NTM: variants seen among roughly 807,000 people sequenced by gnomAD.
NTM encodes neurotrimin, also known as IgLON family member 2.
Under a neutral mutation model 42.1 loss-of-function variants are expected in NTM, and 13 were observed. The observed-to-expected ratio is 0.31, with a 90% confidence interval of 0.20 to 0.49. NTM has a LOEUF of 0.49. Among genes scored for constraint, NTM ranks in the 20% least tolerant of loss-of-function variants. The probability of loss-of-function intolerance (pLI) is 0.99; values close to 1 mark genes in which losing one functional copy is unlikely to be tolerated. For missense variants in NTM, 373 were observed against 452.8 expected, an observed-to-expected ratio of 0.82 and a Z score of 1.60; for synonymous variants, 187 against 179.2, an observed-to-expected ratio of 1.04 and a Z score of -0.35.
At chr11:132,010,707 G>T (rs664969) in intron 2 of NTM, among the ~76,000 whole-genome samples, 70,359 of 150,394 alleles carry the variant, frequency 0.47, 17,390 homozygotes, top group African/African-American at 0.63. Flanking sequence ...TCTTGTACTT[G>T]CTCCAGTCTG....
At chr11:132,273,919 AAAC>A (rs202105449) in intron 4 of NTM, among the ~76,000 whole-genome samples, 1,996 of 152,260 alleles carry the variant, frequency 0.013, 12 homozygotes, top group Middle Eastern at 0.034. Context: ...AAACAAAACA[AAAC>A]AACAACAACA....
chr11:132,074,953 G>A (rs573724615), intron 2 of NTM, among the ~76,000 whole-genome samples: 3 of 152,274 alleles, frequency 2.0e-5, no homozygotes, highest in Admixed American at 6.5e-5. Flanking sequence ...AAATCACTAT[G>A]TTCCCTATAA....
At chr11:131,467,098 A>C (rs1349393170) in intron 1 of NTM, among the ~76,000 whole-genome samples, 1 of 152,222 alleles carries the variant, frequency 6.6e-6, no homozygotes, top group Non-Finnish European at 1.5e-5. Flanking sequence ...ATGAATGACA[A>C]TGTTTTTAAA....
At chr11:132,181,982 A>ATTATTG (rs1265039455) in intron 3 of NTM, among the ~76,000 whole-genome samples, 2 of 147,818 alleles carry the variant, frequency 1.4e-5, no homozygotes, top group African/African-American at 2.5e-5. Flanking sequence ...TATTATTATT[A>ATTATTG]TTATTATTAT....
At chr11:131,700,700 T>A (rs1485674334) in intron 1 of NTM, among the ~76,000 whole-genome samples, 5 of 152,348 alleles carry the variant, frequency 3.3e-5, no homozygotes, top group Non-Finnish European at 7.3e-5. Flanking sequence ...TGTGCAGAAC[T>A]GATGTAACCC....
At chr11:131,757,766 G>T (rs541345943) in intron 1 of NTM, among the ~76,000 whole-genome samples, 1 of 152,260 alleles carries the variant, frequency 6.6e-6, no homozygotes, top group African/African-American at 2.4e-5. Context: ...AGGATTCAAA[G>T]TCATCTAATT....
At chr11:131,747,732 C>A (rs1190578406) in intron 1 of NTM, among the ~76,000 whole-genome samples, 1 of 152,200 alleles carries the variant, frequency 6.6e-6, no homozygotes, top group African/African-American at 2.4e-5. Flanking sequence ...AGTCCTGCCT[C>A]TCACTGGAAC....
intron 1 of NTM, chr11:131,662,087 A>C (rs1225857939): frequency 1.3e-5 from 2 of 152,234 alleles, no homozygotes; most frequent in East Asian, 1.9e-4. Flanking sequence ...AGAGAAATCT[A>C]TAGGCTTCGG....
intron 1 of NTM, among the ~76,000 whole-genome samples, chr11:131,648,499 C>T (rs2066050877): frequency 6.6e-6 from 1 of 152,142 alleles, no homozygotes; most frequent in South Asian, 2.1e-4. Context: ...TCCCCAACCT[C>T]ACCAGCATTT....
chr11:132,087,737 A>C (rs1231816216), intron 2 of NTM, among the ~76,000 whole-genome samples: 1 of 152,206 alleles, frequency 6.6e-6, no homozygotes, highest in Non-Finnish European at 1.5e-5. Flanking sequence ...GCAAAGGGAA[A>C]AAAAAAAGCT....
intron 1 of NTM, among the ~76,000 whole-genome samples, chr11:131,579,680 A>G (rs1389365956): frequency 6.6e-6 from 1 of 152,190 alleles, no homozygotes; most frequent in Non-Finnish European, 1.5e-5. Context: ...AGGACCAGAG[A>G]ATGGAAGCTC....
chr11:132,101,748 C>T (rs1342442866), intron 2 of NTM, among the ~76,000 whole-genome samples: 1 of 152,222 alleles, frequency 6.6e-6, no homozygotes, highest in Non-Finnish European at 1.5e-5. Context: ...ATACACCTCA[C>T]TATCTCTTGC....
chr11:131,972,042 C>CAAAAAAAAAAAAAAAAA (rs61627120), intron 2 of NTM, among the ~76,000 whole-genome samples: 923 of 57,742 alleles, frequency 0.016, 74 homozygotes, highest in African/African-American at 0.026. Flanking sequence ...GACTCCGTCT[C>CAAAAAAAAAAAAAAAAA]AAAAAAAAAA....
At chr11:131,854,323 T>C (rs2045895333) in intron 1 of NTM, among the ~76,000 whole-genome samples, 2 of 152,210 alleles carry the variant, frequency 1.3e-5, no homozygotes, top group Admixed American at 6.5e-5. Context: ...AGGTACAGCA[T>C]TAAACGACAC....
At chr11:131,594,409 T>G (rs1345556853) in intron 1 of NTM, among the ~76,000 whole-genome samples, 1 of 152,126 alleles carries the variant, frequency 6.6e-6, no homozygotes, top group Non-Finnish European at 1.5e-5. Flanking sequence ...TTACCAATTT[T>G]TTTTAAGACA....
At chr11:131,717,887 C>T (rs576507540) in intron 1 of NTM, among the ~76,000 whole-genome samples, 2 of 152,218 alleles carry the variant, frequency 1.3e-5, no homozygotes, top group Admixed American at 6.5e-5. Context: ...AGAAAGTTCT[C>T]TTAATTTGCT....
At chr11:131,407,814 G>T (rs368596256) in intron 1 of NTM, among the ~76,000 whole-genome samples, 1 of 152,154 alleles carries the variant, frequency 6.6e-6, no homozygotes, top group Non-Finnish European at 1.5e-5. Context: ...GATGAAGTTC[G>T]GGCCCACCCC....
At chr11:131,955,550 G>A (rs142033781) in intron 2 of NTM, among the ~76,000 whole-genome samples, 18 of 152,268 alleles carry the variant, frequency 1.2e-4, no homozygotes, top group Admixed American at 3.9e-4. Context: ...GATAATTATC[G>A]TAGTTTTTAG....
At chr11:131,487,529 G>T (rs565905493) in intron 1 of NTM, among the ~76,000 whole-genome samples, 2 of 152,286 alleles carry the variant, frequency 1.3e-5, no homozygotes, top group South Asian at 4.2e-4. Flanking sequence ...CTTTCTATGG[G>T]TTAGGATTTA....
Sources: gnomAD v4.1 joint callset for allele counts (sites outside exome capture counted in the v4.1 genomes callset) on GRCh38, gnomAD v4.1.1 for gene constraint, MANE v1.5 for transcripts, NCBI Gene and HGNC (gene_info 2026-07-23, HGNC 2026-07-21) for gene names.